The following NFIB variants were observed in gnomAD, a reference collection of about 807,000 sequenced individuals.
NFIB encodes nuclear factor 1 B-type.
A neutral mutation model predicts 61.5 loss-of-function variants in NFIB; 11 were observed. That is an observed-to-expected ratio of 0.18 (90% confidence interval 0.11 to 0.30). NFIB has a LOEUF of 0.30. Among genes scored for constraint, NFIB ranks in the 10% least tolerant of loss-of-function variants. NFIB has a pLI of 1.00. For missense variants in NFIB, 471 were observed against 608.9 expected (o/e 0.77, Z 2.38); for synonymous variants, 260 against 216.5 (o/e 1.20, Z -1.76).
At chr9:14,292,148 A>G (rs2059145962) in intron 2 of NFIB, among the ~76,000 whole-genome samples, 1 of 152,144 alleles carries the variant, frequency 6.6e-6, no homozygotes, top group South Asian at 2.1e-4. Flanking sequence ...CGAAATAATA[A>G]CCTTTCATTA....
At chr9:14,203,517 T>A (rs2049286931) in intron 2 of NFIB, among the ~76,000 whole-genome samples, 1 of 152,200 alleles carries the variant, frequency 6.6e-6, no homozygotes, top group South Asian at 2.1e-4. Context: ...ACAAAGTTTA[T>A]CTCCACTGCC....
chr9:14,203,165 A>T (rs201681643), intron 2 of NFIB, among the ~76,000 whole-genome samples: 2 of 149,050 alleles, frequency 1.3e-5, no homozygotes, highest in African/African-American at 4.9e-5. Context: ...CAGCCCCCAC[A>T]TTTTTTTTTT....
intron 2 of NFIB, among the ~76,000 whole-genome samples, chr9:14,184,495 T>C (rs1215233735): frequency 1.5e-5 from 1 of 68,134 alleles, no homozygotes; most frequent in African/African-American, 3.1e-5. Flanking sequence ...GCCAATTCTA[T>C]AAATCAAATT....
At chr9:14,197,332 T>A (rs988504018) in intron 2 of NFIB, among the ~76,000 whole-genome samples, 2 of 150,496 alleles carry the variant, frequency 1.3e-5, no homozygotes, top group Non-Finnish European at 3.0e-5. Flanking sequence ...TCCACTGGGG[T>A]ATTAGAACAA....
intron 3 of NFIB, among the ~76,000 whole-genome samples, chr9:14,156,496 T>C (rs2043424324): frequency 6.6e-6 from 1 of 152,210 alleles, no homozygotes; most frequent in Admixed American, 6.5e-5. Context: ...TTCACTGCTT[T>C]CCTCACCCTT....
chr9:14,143,868 T>C (rs919155923), intron 6 of NFIB, among the ~76,000 whole-genome samples: 7 of 152,160 alleles, frequency 4.6e-5, no homozygotes, highest in Admixed American at 3.3e-4. Flanking sequence ...GCATTGGGCT[T>C]AGCAAATTTA....
At chr9:14,488,630 G>C in the NFIB span, among the ~76,000 whole-genome samples, 1 of 152,150 alleles carries the variant, frequency 6.6e-6, no homozygotes, top group African/African-American at 2.4e-5. Flanking sequence ...TGTACCTCTA[G>C]GTGGTGTGTG....
intron 2 of NFIB, among the ~76,000 whole-genome samples, chr9:14,226,782 T>C (rs547654357): frequency 1.3e-5 from 2 of 152,286 alleles, no homozygotes; most frequent in African/African-American, 4.8e-5. Flanking sequence ...CCTTTTTTGT[T>C]TGGATTCCAA....
intron 2 of NFIB, among the ~76,000 whole-genome samples, chr9:14,236,232 G>GA (rs2053731937): frequency 6.6e-6 from 1 of 152,042 alleles, no homozygotes; most frequent in Non-Finnish European, 1.5e-5. Context: ...TGTTGATTAT[G>GA]GCTACTGCTT....
the NFIB span, among the ~76,000 whole-genome samples, chr9:14,462,291 C>A: frequency 2.0e-5 from 3 of 147,756 alleles, no homozygotes; most frequent in Non-Finnish European, 4.5e-5. Context: ...TTTCTTTTTT[C>A]TTTTTTTTTC....
At chr9:14,519,752 C>A in the NFIB span, among the ~76,000 whole-genome samples, 1 of 152,128 alleles carries the variant, frequency 6.6e-6, no homozygotes, top group African/African-American at 2.4e-5. Flanking sequence ...CCTGCTACTA[C>A]CCCCACAAAA....
rs568965007 is a variant in NFIB at position 14,334,026 on chromosome 9, C to T, written c.109-26506G>A. ...GCCTTTCATGTGACATTCCTCTCTGCGATTGCAGGTAACCGTGTTTTGTTT... is the reference window on the plus strand; with the variant it reads ...GCCTTTCATGTGACATTCCTCTCTGTGATTGCAGGTAACCGTGTTTTGTTT... On this transcript the variant is annotated intron_variant, in intron 1 of 8. Transcript: ENST00000380934. Among the ~76,000 whole-genome samples the T allele has an allele frequency of 5.9e-5, 9 of 152,330 alleles. No individual in the cohort carries two copies. The East Asian group carries it at 9.6e-4, about 16-fold the overall frequency.
At chr9:14,398,489 GAA>G in intron 1 of NFIB, 2 of 1,484,276 alleles carry the variant, frequency 1.3e-6, no homozygotes, top group Non-Finnish European at 1.8e-6. Flanking sequence ...CTATTTGAAA[GAA>G]AAACTGGTTA....
At chr9:14,522,098 CTGAT>C in the NFIB span, among the ~76,000 whole-genome samples, 19 of 152,282 alleles carry the variant, frequency 1.2e-4, no homozygotes, top group African/African-American at 3.8e-4. Context: ...CTGGTCTAAG[CTGAT>C]TGATTGATTT....
chr9:14,215,648 T>A (rs1393619006), intron 2 of NFIB, among the ~76,000 whole-genome samples: 1 of 152,182 alleles, frequency 6.6e-6, no homozygotes, highest in Non-Finnish European at 1.5e-5. Flanking sequence ...AAGATAAAGA[T>A]GCCCCATTTG....
the NFIB span, among the ~76,000 whole-genome samples, chr9:14,523,416 G>A: frequency 6.6e-6 from 1 of 151,964 alleles, no homozygotes; most frequent in African/African-American, 2.4e-5. Flanking sequence ...CCTCTCCACA[G>A]TCTACCCATT....
At chr9:14,514,785 C>T in the NFIB span, among the ~76,000 whole-genome samples, 84,520 of 151,764 alleles carry the variant, frequency 0.56, 24,102 homozygotes, top group Non-Finnish European at 0.62. Context: ...AGCCCAAAAG[C>T]TGGCTGGGAA....
intron 4 of NFIB, among the ~76,000 whole-genome samples, chr9:14,151,743 G>T (rs2042895683): frequency 6.6e-6 from 1 of 152,012 alleles, no homozygotes; most frequent in Non-Finnish European, 1.5e-5. Context: ...TGGTGTCAAA[G>T]AACTCCTTAA....
At chr9:14,334,399 C>A (rs2060859617) in intron 1 of NFIB, among the ~76,000 whole-genome samples, 1 of 152,164 alleles carries the variant, frequency 6.6e-6, no homozygotes, top group Non-Finnish European at 1.5e-5. Flanking sequence ...AGCAATATTT[C>A]CATGTGGTTT....
Sources: allele counts gnomAD v4.1 joint callset (sites outside exome capture counted in the v4.1 genomes callset), GRCh38; gene constraint gnomAD v4.1.1; transcripts MANE v1.5; gene names NCBI Gene and HGNC (gene_info 2026-07-23, HGNC 2026-07-21).